The following HTR1F variants were observed in gnomAD, a reference collection of about 807,000 sequenced individuals.
HTR1F encodes the protein 5-hydroxytryptamine (serotonin) receptor 1F, G protein-coupled.
In HTR1F, 17 loss-of-function variants were observed where a neutral mutation model predicts 24.0. That is an observed-to-expected ratio of 0.71 (90% CI 0.48 to 1.06). The LOEUF is 1.06. HTR1F is among the 50% of genes least tolerant of loss of function. The pLI, the probability that HTR1F is intolerant of heterozygous loss-of-function variation, is 0.00. For missense variants in HTR1F, 391 were observed against 427.8 expected, an observed-to-expected ratio of 0.91 and a Z score of 0.76; for synonymous variants, 186 against 156.8, an observed-to-expected ratio of 1.19 and a Z score of -1.39.
intron 2 of HTR1F, among the ~76,000 whole-genome samples, chr3:87,907,881 A>G (rs1293634860): frequency 1.3e-5 from 2 of 151,984 alleles, no homozygotes; most frequent in Non-Finnish European, 2.9e-5. Context: ...CAAAAGAAAG[A>G]GGCATCAGCA....
chr3:87,979,316 T>G (rs1705491218), intron 2 of HTR1F, among the ~76,000 whole-genome samples: 1 of 151,840 alleles, frequency 6.6e-6, no homozygotes, highest in African/African-American at 2.4e-5. Flanking sequence ...GAAGGGAAAC[T>G]GGATTGGAAC....
chr3:87,920,829 G>A (rs1020205247), intron 2 of HTR1F, among the ~76,000 whole-genome samples: 1 of 151,840 alleles, frequency 6.6e-6, no homozygotes, highest in Non-Finnish European at 1.5e-5. Context: ...CACATGATGT[G>A]AGTACCTATA....
At chr3:87,867,423 A>G (rs889314503) in intron 2 of HTR1F, among the ~76,000 whole-genome samples, 2 of 151,654 alleles carry the variant, frequency 1.3e-5, no homozygotes, top group African/African-American at 4.8e-5. Flanking sequence ...TCTTCAGAAG[A>G]GTTAAAATGG....
chr3:87,921,230 A>G (rs982087240), intron 2 of HTR1F, among the ~76,000 whole-genome samples: 1 of 152,036 alleles, frequency 6.6e-6, no homozygotes, highest in African/African-American at 2.4e-5. Flanking sequence ...ATAATTGAAC[A>G]TGACAGGGCA....
intron 2 of HTR1F, among the ~76,000 whole-genome samples, chr3:87,945,898 G>C (rs548741791): frequency 1.3e-5 from 2 of 152,104 alleles, no homozygotes; most frequent in African/African-American, 2.4e-5. Flanking sequence ...AGATGGTGGC[G>C]GGCTGCTTCC....
intron 2 of HTR1F, among the ~76,000 whole-genome samples, chr3:87,948,157 A>G (rs1414860827): frequency 6.6e-6 from 1 of 152,208 alleles, no homozygotes; most frequent in East Asian, 1.9e-4. Context: ...TCAATTTTAA[A>G]GATTCTGAAT....
intron 2 of HTR1F, among the ~76,000 whole-genome samples, chr3:87,911,395 AC>A (rs1443251061): frequency 6.6e-6 from 1 of 152,070 alleles, no homozygotes; most frequent in Non-Finnish European, 1.5e-5. Context: ...GGACACATAT[AC>A]CCTCCCAAGA....
intron 2 of HTR1F, among the ~76,000 whole-genome samples, chr3:87,936,784 C>T (rs1203994303): frequency 6.6e-6 from 1 of 151,984 alleles, no homozygotes; most frequent in Admixed American, 6.6e-5. Flanking sequence ...GTTTACTACC[C>T]ACTAGGAGAT....
intron 2 of HTR1F, among the ~76,000 whole-genome samples, chr3:87,880,542 A>G (rs1202156687): frequency 6.6e-6 from 1 of 152,150 alleles, no homozygotes; most frequent in African/African-American, 2.4e-5. Flanking sequence ...ACAGGAATAA[A>G]TTATTTTCAA....
chr3:87,919,161 G>A (rs1050585061), intron 2 of HTR1F, among the ~76,000 whole-genome samples: 2 of 152,082 alleles, frequency 1.3e-5, no homozygotes, highest in Admixed American at 1.3e-4. Context: ...TGGGATAACT[G>A]GCTAGCCACA....
Position 87,826,727 on chromosome 3 carries a change from C to G in HTR1F, c.-43+4603C>G, listed in dbSNP as rs115319580. Among the ~76,000 whole-genome samples, 787 of 152,222 alleles carry G rather than the reference C, an allele frequency of 5.2e-3. 3 individuals carry two copies. Among genetic ancestry groups the G allele is most frequent in the African/African-American group, 0.017 (706 of 41,522 alleles). On this transcript the variant is annotated intron_variant, in intron 2 of 2. Transcript: ENST00000319595. Reference sequence around the variant, plus strand: ...TGTCTTACCTACTACCGTGTAAATTCCTTGAATGGAGAACAGTACCACAGC... The same window carrying G: ...TGTCTTACCTACTACCGTGTAAATTGCTTGAATGGAGAACAGTACCACAGC...
chr3:87,861,650 C>G (rs1705320912), intron 2 of HTR1F, among the ~76,000 whole-genome samples: 1 of 152,028 alleles, frequency 6.6e-6, no homozygotes, highest in Non-Finnish European at 1.5e-5. Context: ...AAGTTTGAGG[C>G]CTTGGAGCTC....
At chr3:87,913,629 C>A (rs771582208) in intron 2 of HTR1F, among the ~76,000 whole-genome samples, 4 of 152,060 alleles carry the variant, frequency 2.6e-5, no homozygotes, top group Non-Finnish European at 5.9e-5. Context: ...ACACATGTAT[C>A]CATACGTTGA....
chr3:87,856,126 ATT>A (rs1285905517), intron 2 of HTR1F, among the ~76,000 whole-genome samples: 1 of 152,080 alleles, frequency 6.6e-6, no homozygotes, highest in African/African-American at 2.4e-5. Context: ...ATTATAATAT[ATT>A]GTTACAATTT....
chr3:87,979,435 T>C (rs1444778779), intron 2 of HTR1F, among the ~76,000 whole-genome samples: 1 of 152,150 alleles, frequency 6.6e-6, no homozygotes, highest in Non-Finnish European at 1.5e-5. Context: ...CATTTCTAGT[T>C]GGCCGACAGA....
intron 2 of HTR1F, among the ~76,000 whole-genome samples, chr3:87,968,937 T>C (rs1273410578): frequency 6.6e-6 from 1 of 152,188 alleles, no homozygotes; most frequent in Admixed American, 6.5e-5. Context: ...TAGCCATGGC[T>C]AAAAGGGACC....
At chr3:87,833,494 C>T (rs139807555) in intron 2 of HTR1F, among the ~76,000 whole-genome samples, 53 of 151,990 alleles carry the variant, frequency 3.5e-4, no homozygotes, top group African/African-American at 1.2e-3. Flanking sequence ...GACCCCATAC[C>T]GTATTTATAA....
At chr3:87,916,597 T>G (rs1166734131) in intron 2 of HTR1F, among the ~76,000 whole-genome samples, 6 of 151,994 alleles carry the variant, frequency 3.9e-5, no homozygotes, top group Admixed American at 3.9e-4. Flanking sequence ...ACAAAACAAA[T>G]TTTAAAACAA....
intron 2 of HTR1F, among the ~76,000 whole-genome samples, chr3:87,913,032 A>G (rs1703815569): frequency 6.6e-6 from 1 of 152,162 alleles, no homozygotes; most frequent in Admixed American, 6.6e-5. Context: ...GCAATAGGCA[A>G]ATATTTTATG....
Sources: allele counts gnomAD v4.1 joint callset (sites outside exome capture counted in the v4.1 genomes callset), GRCh38; gene constraint gnomAD v4.1.1; transcripts MANE v1.5; gene names NCBI Gene and HGNC (gene_info 2026-07-23, HGNC 2026-07-21).